Variants in UTRN observed in about 807,000 individuals in gnomAD.
The protein encoded by UTRN is utrophin, also known as dystrophin-related protein 1.
In UTRN, 283 loss-of-function variants were observed where a neutral mutation model predicts 463.9. That is an observed-to-expected ratio of 0.61 (90% CI 0.55 to 0.67). UTRN has a LOEUF of 0.67. Among genes scored for constraint, UTRN ranks in the 30% least tolerant of loss-of-function variants. The pLI, the probability that UTRN is intolerant of heterozygous loss-of-function variation, is 0.00. For missense variants in UTRN, 3,922 were observed against 4,084.3 expected, an observed-to-expected ratio of 0.96 and a Z score of 1.08; for synonymous variants, 1,442 against 1,431.5, an observed-to-expected ratio of 1.01 and a Z score of -0.17.
chr6:144,717,270 G>A (rs772385766), intron 53 of UTRN, among the ~76,000 whole-genome samples: 22 of 152,172 alleles, frequency 1.4e-4, no homozygotes, highest in Non-Finnish European at 2.9e-4. Context: ...CTGAGTCAAG[G>A]TTCTCTCCAC....
intron 48 of UTRN, among the ~76,000 whole-genome samples, chr6:144,551,491 T>A (rs925004728): frequency 3.3e-5 from 5 of 152,216 alleles, no homozygotes; most frequent in African/African-American, 1.2e-4. Context: ...CAAAATTCAG[T>A]CCACAAATAT....
intron 53 of UTRN, among the ~76,000 whole-genome samples, chr6:144,725,292 C>G (rs539302471): frequency 6.6e-6 from 1 of 152,306 alleles, no homozygotes; most frequent in Admixed American, 6.5e-5. Context: ...TGAGGCCTCC[C>G]CAGCCATGGG....
intron 61 of UTRN, among the ~76,000 whole-genome samples, chr6:144,782,638 AAT>A (rs59342533): frequency 0.28 from 41,143 of 149,216 alleles, 6,663 homozygotes; most frequent in African/African-American, 0.45. Context: ...ATATATATAT[AAT>A]ATATATATAT....
chr6:144,287,335 A>T (rs1803786881), intron 1 of UTRN, among the ~76,000 whole-genome samples: 1 of 152,118 alleles, frequency 6.6e-6, no homozygotes, highest in Non-Finnish European at 1.5e-5. Flanking sequence ...TATTAATCAC[A>T]GTAGTATTAA....
At chr6:144,489,400 C>T (rs1325335453) in intron 30 of UTRN, among the ~76,000 whole-genome samples, 2 of 152,204 alleles carry the variant, frequency 1.3e-5, no homozygotes, top group Middle Eastern at 3.4e-3. Context: ...CCACCTTCCT[C>T]GGCCTCCCAA....
At chr6:144,748,539 T>C (rs1791009063) in intron 55 of UTRN, 25 bp downstream of exon 55, 2 of 1,594,362 alleles carry the variant, frequency 1.3e-6, no homozygotes, top group Non-Finnish European at 1.7e-6. Context: ...CTTTGAAGGA[T>C]TTTTAAGAAA....
chr6:144,714,214 A>G (rs1262583398), intron 53 of UTRN, among the ~76,000 whole-genome samples: 3 of 152,182 alleles, frequency 2.0e-5, no homozygotes, highest in Non-Finnish European at 4.4e-5. Context: ...AGTGCTATCA[A>G]ATTTAATGAG....
chr6:144,678,465 G>A lies in UTRN; in HGVS notation c.7539G>A (p.Arg2513=), dbSNP rs144776120. 3 of 1,613,244 alleles carry A rather than the reference G, an allele frequency of 1.9e-6. No homozygotes were observed. Among genetic ancestry groups the A allele is most frequent in the African/African-American group, 2.7e-5 (2 of 74,868 alleles). Residue 2513 remains arginine, a synonymous_variant, in exon 52 of 75, where the codon AGG becomes AGA. Coordinates refer to ENST00000367545, the MANE Select transcript of UTRN (RefSeq NM_007124.3). ...NDIFKSIDGN[R]QKMVKALGNS... ...TATTTAAAAGCATTGACGGAAACAG[G>A]CAGAAGATGGTAAAAGCTTTGGGAA...
At chr6:144,644,655 A>T (rs1005764309) in intron 51 of UTRN, among the ~76,000 whole-genome samples, 1 of 152,188 alleles carries the variant, frequency 6.6e-6, no homozygotes, top group Non-Finnish European at 1.5e-5. Context: ...CTAAAAAGAA[A>T]TTGTATCATT....
chr6:144,412,309 G>A (rs1323621470), intron 3 of UTRN, among the ~76,000 whole-genome samples: 1 of 152,044 alleles, frequency 6.6e-6, no homozygotes, highest in Non-Finnish European at 1.5e-5. Context: ...AAGAGAAAAA[G>A]TGTAGCATTT....
intron 2 of UTRN, among the ~76,000 whole-genome samples, chr6:144,343,283 G>GT (rs1239460731): frequency 1.3e-5 from 2 of 151,850 alleles, no homozygotes; most frequent in Admixed American, 6.6e-5. Flanking sequence ...CTTTTTGCAT[G>GT]TATGTGGTGG....
At chr6:144,717,069 A>C (rs1371267519) in intron 53 of UTRN, among the ~76,000 whole-genome samples, 1 of 152,232 alleles carries the variant, frequency 6.6e-6, no homozygotes, top group Non-Finnish European at 1.5e-5. Flanking sequence ...ATATATTGCC[A>C]GCCTACTTTC....
At chr6:144,707,726 T>G (rs1410994258) in intron 53 of UTRN, among the ~76,000 whole-genome samples, 1 of 152,192 alleles carries the variant, frequency 6.6e-6, no homozygotes, top group Non-Finnish European at 1.5e-5. Flanking sequence ...TCAGCAGGTT[T>G]TGGGTGGGGC....
intron 51 of UTRN, among the ~76,000 whole-genome samples, chr6:144,659,222 A>G (rs929044670): frequency 6.6e-6 from 1 of 152,240 alleles, no homozygotes; most frequent in Non-Finnish European, 1.5e-5. Flanking sequence ...TGTAAAAGAT[A>G]GAGAACTGAC....
chr6:144,386,905 C>T (rs1428159986), intron 2 of UTRN, among the ~76,000 whole-genome samples: 1 of 151,942 alleles, frequency 6.6e-6, no homozygotes, highest in African/African-American at 2.4e-5. Context: ...AAACCAAAAA[C>T]CACTTCCGAA....
At chr6:144,316,408 T>A (rs1775291092) in intron 2 of UTRN, among the ~76,000 whole-genome samples, 1 of 152,234 alleles carries the variant, frequency 6.6e-6, no homozygotes, top group South Asian at 2.1e-4. Flanking sequence ...ATATTAGTAG[T>A]ATAGCTGTTG....
chr6:144,586,810 T>C (rs1224373078), intron 51 of UTRN, among the ~76,000 whole-genome samples: 1 of 152,092 alleles, frequency 6.6e-6, no homozygotes, highest in African/African-American at 2.4e-5. Context: ...TTTAAAAATA[T>C]TTAGTGCTGT....
chr6:144,796,922 C>T (rs1028904593), intron 63 of UTRN, among the ~76,000 whole-genome samples: 6 of 152,048 alleles, frequency 3.9e-5, no homozygotes, highest in African/African-American at 1.5e-4. Flanking sequence ...TCAACAGCAA[C>T]AGGAGGATAA....
At chr6:144,638,179 TA>T (rs1470489753) in intron 51 of UTRN, among the ~76,000 whole-genome samples, 1 of 152,178 alleles carries the variant, frequency 6.6e-6, no homozygotes, top group African/African-American at 2.4e-5. Flanking sequence ...AGCACTGTTT[TA>T]AAAAAACCAC....
Sources: allele counts gnomAD v4.1 joint callset (sites outside exome capture counted in the v4.1 genomes callset), GRCh38; gene constraint gnomAD v4.1.1; transcripts MANE v1.5; gene names NCBI Gene and HGNC (gene_info 2026-07-23, HGNC 2026-07-21).